The following GALNTL6 variants were observed in gnomAD, a reference collection of about 807,000 sequenced individuals.
GALNTL6 encodes polypeptide N-acetylgalactosaminyltransferase-like 6.
Under a neutral mutation model 73.7 loss-of-function variants are expected in GALNTL6, and 46 were observed. The observed-to-expected ratio is 0.62, with a 90% CI of 0.49 to 0.80. GALNTL6 has a LOEUF of 0.80. Among genes scored for constraint, GALNTL6 ranks in the 30% least tolerant of loss-of-function variants. The pLI is 0.00. For missense variants in GALNTL6, 604 were observed against 755.0 expected (o/e 0.80, Z 2.34); for synonymous variants, 259 against 263.7 (o/e 0.98, Z 0.17).
intron 2 of GALNTL6, among the ~76,000 whole-genome samples, chr4:172,177,763 A>G (rs1238523266): frequency 7.1e-6 from 1 of 141,366 alleles, no homozygotes; most frequent in Non-Finnish European, 1.5e-5. Flanking sequence ...ATGTGTGTAT[A>G]TATATGTACA....
intron 5 of GALNTL6, among the ~76,000 whole-genome samples, chr4:172,533,061 C>T (rs1189826423): frequency 7.0e-6 from 1 of 142,262 alleles, no homozygotes; most frequent in Admixed American, 7.4e-5. Flanking sequence ...TGCCAGGCTT[C>T]AATGCAGTGG....
chr4:171,850,765 T>C lies in GALNTL6; in HGVS notation c.138+36047T>C, dbSNP rs139072400. 1.9e-3 allele frequency among the ~76,000 whole-genome samples: 296 copies of C among 152,318 alleles called. 1 individual carries two copies. Among genetic ancestry groups the C allele is most frequent in the African/African-American group, 6.5e-3 (270 of 41,584 alleles). On this transcript the variant is annotated intron_variant, in intron 2 of 12. Coordinates refer to ENST00000506823, the MANE Select transcript of GALNTL6 (RefSeq NM_001034845.3). ...GCGTGTCTGACTTCCTTTCTTATTA[T>C]GGCTAGGCACTCAGTTTTTAAGGTT...
intron 2 of GALNTL6, among the ~76,000 whole-genome samples, chr4:171,854,272 A>C (rs1188967773): frequency 6.6e-6 from 1 of 152,148 alleles, no homozygotes; most frequent in Non-Finnish European, 1.5e-5. Flanking sequence ...TATTCAGGAA[A>C]GCTGCTCTTG....
chr4:172,990,074 C>T (rs1398722573), intron 10 of GALNTL6, among the ~76,000 whole-genome samples: 1 of 152,162 alleles, frequency 6.6e-6, no homozygotes, highest in East Asian at 1.9e-4. Flanking sequence ...GGTATAAGTC[C>T]AGTTCTCCCA....
At chr4:173,020,425 C>T (rs1365219350) in intron 11 of GALNTL6, among the ~76,000 whole-genome samples, 1 of 152,170 alleles carries the variant, frequency 6.6e-6, no homozygotes, top group African/African-American at 2.4e-5. Flanking sequence ...GATGGAATAT[C>T]AGAGTCAATT....
At chr4:172,130,524 G>A (rs1028593433) in intron 2 of GALNTL6, among the ~76,000 whole-genome samples, 2 of 151,846 alleles carry the variant, frequency 1.3e-5, no homozygotes, top group Non-Finnish European at 2.9e-5. Context: ...GTTTCTAATT[G>A]TAAAATATTT....
chr4:171,972,699 G>C (rs947363963), intron 2 of GALNTL6, among the ~76,000 whole-genome samples: 5 of 151,976 alleles, frequency 3.3e-5, no homozygotes, highest in Admixed American at 6.6e-5. Flanking sequence ...TGAGTTTATA[G>C]AATTAACTTT....
At chr4:172,155,543 C>T (rs1579191690) in intron 2 of GALNTL6, among the ~76,000 whole-genome samples, 4 of 152,146 alleles carry the variant, frequency 2.6e-5, no homozygotes, top group Admixed American at 2.6e-4. Flanking sequence ...AATACATAAT[C>T]ATCTATATCT....
chr4:172,421,747 T>G (rs1347906950), intron 5 of GALNTL6, among the ~76,000 whole-genome samples: 3 of 152,090 alleles, frequency 2.0e-5, no homozygotes, highest in Admixed American at 6.6e-5. Context: ...GAAATAATAA[T>G]GAGGAACACA....
intron 7 of GALNTL6, among the ~76,000 whole-genome samples, chr4:172,825,165 G>GTATAGATCC (rs1742197529): frequency 1.5e-5 from 2 of 135,458 alleles, no homozygotes. Flanking sequence ...ATACTTCTTG[G>GTATAGATCC]TATAGATCCA....
chr4:172,999,762 A>T (rs1339338906), intron 10 of GALNTL6, among the ~76,000 whole-genome samples: 30 of 20,086 alleles, frequency 1.5e-3, no homozygotes, highest in Non-Finnish European at 1.8e-4. Flanking sequence ...TCTTTTGAAT[A>T]CATATTATAT....
chr4:172,133,150 C>T (rs998384217), intron 2 of GALNTL6, among the ~76,000 whole-genome samples: 1 of 152,158 alleles, frequency 6.6e-6, no homozygotes, highest in South Asian at 2.1e-4. Context: ...TCTGGGCTGT[C>T]CATTAGATCG....
intron 4 of GALNTL6, among the ~76,000 whole-genome samples, chr4:172,329,883 C>T (rs1305895393): frequency 3.9e-5 from 6 of 152,046 alleles, no homozygotes; most frequent in South Asian, 4.1e-4. Context: ...GAAGAGAAAG[C>T]GAGGTCAGGG....
intron 5 of GALNTL6, among the ~76,000 whole-genome samples, chr4:172,795,588 G>A (rs987861850): frequency 3.5e-4 from 53 of 151,936 alleles, no homozygotes; most frequent in African/African-American, 1.3e-3. Context: ...TATTTACAGG[G>A]TACACAAGAT....
At chr4:172,948,060 T>C (rs1163222048) in intron 9 of GALNTL6, among the ~76,000 whole-genome samples, 2 of 152,234 alleles carry the variant, frequency 1.3e-5, no homozygotes, top group East Asian at 1.9e-4. Context: ...AAGATTTTAT[T>C]TGGCCAGCCA....
intron 5 of GALNTL6, among the ~76,000 whole-genome samples, chr4:172,421,334 G>A (rs1247441449): frequency 6.6e-6 from 1 of 151,926 alleles, no homozygotes; most frequent in Middle Eastern, 3.2e-3. Flanking sequence ...ATATAAAGTA[G>A]GATAGTTCCA....
At chr4:172,304,706 A>G (rs759441922) in intron 3 of GALNTL6, among the ~76,000 whole-genome samples, 5 of 152,154 alleles carry the variant, frequency 3.3e-5, no homozygotes, top group Non-Finnish European at 7.4e-5. Flanking sequence ...AACCTACTTT[A>G]TCTCTCAGTA....
chr4:172,223,129 A>G (rs1178193994), intron 2 of GALNTL6, among the ~76,000 whole-genome samples: 1 of 152,022 alleles, frequency 6.6e-6, no homozygotes, highest in African/African-American at 2.4e-5. Flanking sequence ...CCTGTTTCAG[A>G]TAATATGTTT....
At chr4:172,931,605 C>T (rs1183106682) in intron 9 of GALNTL6, among the ~76,000 whole-genome samples, 5 of 152,088 alleles carry the variant, frequency 3.3e-5, no homozygotes, top group African/African-American at 9.7e-5. Context: ...AGTAGGTCCG[C>T]GGACCTGGGG....
Sources: gnomAD v4.1 joint callset for allele counts (sites outside exome capture counted in the v4.1 genomes callset) on GRCh38, gnomAD v4.1.1 for gene constraint, MANE v1.5 for transcripts, NCBI Gene and HGNC (gene_info 2026-07-23, HGNC 2026-07-21) for gene names.